UBXN4: variants seen among roughly 807,000 people sequenced by gnomAD.
The protein encoded by UBXN4 is UBX domain protein 4.
UBXN4 carries 35 observed loss-of-function variants against 66.2 expected under a neutral mutation model. That is an observed-to-expected ratio of 0.53 (90% CI 0.40 to 0.70). UBXN4 has a LOEUF of 0.70. UBXN4 is among the 30% of genes least tolerant of loss of function. The pLI is 0.00. For synonymous variants in UBXN4, 203 were observed against 204.5 expected (o/e 0.99, Z 0.06); for missense variants, 533 against 599.8 (o/e 0.89, Z 1.16).
intron 5 of UBXN4, among the ~76,000 whole-genome samples, chr2:135,758,223 C>T (rs368182192): frequency 1.3e-5 from 2 of 151,778 alleles, no homozygotes; most frequent in African/African-American, 2.4e-5. Flanking sequence ...TACAGGCATG[C>T]GCCACCATGC....
chr2:135,780,963 G>C (rs1183223802), intron 12 of UBXN4, among the ~76,000 whole-genome samples: 1 of 152,216 alleles, frequency 6.6e-6, no homozygotes, highest in East Asian at 1.9e-4. Context: ...AGTGGCTCAC[G>C]CCTGTAATCC....
intron 10 of UBXN4, among the ~76,000 whole-genome samples, chr2:135,777,247 G>A (rs79190302): frequency 4.8e-4 from 73 of 152,194 alleles, no homozygotes; most frequent in Non-Finnish European, 7.9e-4. Flanking sequence ...CGGATTCTGA[G>A]CATCAGATGT....
Position 135,782,764 on chromosome 2 carries a change from AAG to A in UBXN4, c.1407_1408del (p.Arg469SerfsTer10). The A allele has an allele frequency of 6.2e-7, 1 of 1,613,784 alleles. No individual in the cohort carries two copies. The highest frequency in any genetic ancestry group is 8.5e-7 in the Non-Finnish European group (1 of 1,179,862). On this transcript the variant is annotated frameshift_variant, in exon 13 of 13. Transcript: ENST00000272638. LOFTEE classifies it high-confidence loss of function. The part of the protein sequence containing the change: ...KSEKREPVRK[R>X]VLEKRGDDFK... ...TTCGTATCAGGGAACCAGTGAGAAA[AAG>A]AGTGCTGGAAAAACGTGGAGACGAC...
chr2:135,778,773 T>C (rs568465560), intron 10 of UBXN4, among the ~76,000 whole-genome samples, 175 bp from the exon 11 acceptor site: 1 of 152,364 alleles, frequency 6.6e-6, no homozygotes, highest in Admixed American at 6.5e-5. Flanking sequence ...TATTTGGATT[T>C]GATAGCTTTT....
At chr2:135,779,155 G>A in intron 11 of UBXN4, 76 bp downstream of exon 11, 1 of 1,425,086 alleles carries the variant, frequency 7.0e-7, no homozygotes, top group African/African-American at 1.4e-5. Flanking sequence ...TTATAATTAG[G>A]GGAAAGGAAG....
In UBXN4 at chr2:135,784,325, T is replaced by G. The variant is rs2077470611; in HGVS notation, c.*1438T>G. 6.6e-6 allele frequency: 1 copy of G among 152,160 alleles called. No individual in the cohort carries two copies. The highest frequency in any genetic ancestry group is 2.1e-4 in the South Asian group (1 of 4,832). The allele number at this position is 152,160 out of a possible 1,614,324, so 9.4% of individuals were successfully genotyped here. A position where few individuals can be genotyped will look rare whatever the true frequency, so the allele number is the denominator to read the frequency against. Reference sequence around the variant, plus strand: ...TGAGGAGAAATGGTACAATACTAATTAACAACTTGGTTTAACATGTTTACT... The same window carrying G: ...TGAGGAGAAATGGTACAATACTAATGAACAACTTGGTTTAACATGTTTACT... On this transcript the variant is annotated 3_prime_UTR_variant, in exon 13 of 13. Transcript: ENST00000272638.
At chr2:135,756,588 C>T (rs1050921014) in intron 5 of UBXN4, among the ~76,000 whole-genome samples, 20 of 152,064 alleles carry the variant, frequency 1.3e-4, no homozygotes, top group Admixed American at 5.2e-4. Flanking sequence ...TGGATGTGTA[C>T]GGAACGGGGG....
At chr2:135,779,686 A>T (rs2077437701) in intron 11 of UBXN4, among the ~76,000 whole-genome samples, 1 of 151,844 alleles carries the variant, frequency 6.6e-6, no homozygotes, top group South Asian at 2.1e-4. Flanking sequence ...GACTCTTCTT[A>T]TAAAAGTTTA....
intron 5 of UBXN4, among the ~76,000 whole-genome samples, chr2:135,756,927 C>T (rs1330518444): frequency 6.6e-6 from 1 of 152,204 alleles, no homozygotes; most frequent in Non-Finnish European, 1.5e-5. Context: ...TCCACAAATT[C>T]TGATTGTTCC....
At chr2:135,782,509 T>TG (rs1326590667) in intron 12 of UBXN4, among the ~76,000 whole-genome samples, 1 of 152,104 alleles carries the variant, frequency 6.6e-6, no homozygotes, top group African/African-American at 2.4e-5. Flanking sequence ...ACAATGGAAA[T>TG]GGAATATATG....
intron 1 of UBXN4, among the ~76,000 whole-genome samples, chr2:135,746,321 T>G (rs1575312741): frequency 6.6e-6 from 1 of 152,344 alleles, no homozygotes; most frequent in East Asian, 1.9e-4. Flanking sequence ...GAGTACTTAT[T>G]GGGTGCCTAC....
In UBXN4 at chr2:135,761,807, T is replaced by A. The variant is rs1450543807; in HGVS notation, c.509-11T>A. On this transcript the variant is annotated splice_polypyrimidine_tract_variant and intron_variant, in intron 5 of 12. Transcript: ENST00000272638. Reference sequence around the variant, plus strand: ...TGCAGTATTCTTATTTCTTTTTATTTAATAATTAAGGAGGAGAAAGTGCAG... The same window carrying A: ...TGCAGTATTCTTATTTCTTTTTATTAAATAATTAAGGAGGAGAAAGTGCAG... The A allele has an allele frequency of 6.3e-7, 1 of 1,586,136 alleles. No homozygotes were observed. Among genetic ancestry groups the A allele is most frequent in the African/African-American group, 1.4e-5 (1 of 73,342 alleles).
chr2:135,757,173 C>A (rs1190722733), intron 5 of UBXN4, among the ~76,000 whole-genome samples: 1 of 152,076 alleles, frequency 6.6e-6, no homozygotes, highest in East Asian at 1.9e-4. Context: ...TGGTATTGTC[C>A]CACAGGTTTA....
At position 135,757,390 on chromosome 2, in the gene UBXN4, T is replaced by G. The variant is rs1180517224; in HGVS notation, c.508+1699T>G. On this transcript the variant is annotated intron_variant, in intron 5 of 12. Transcript: ENST00000272638. ...TTTTATTTTGAAATAGTTTGACTCATAAGTTACAGAAGTTGTGCAGAATGA... is the reference window on the plus strand; with the variant it reads ...TTTTATTTTGAAATAGTTTGACTCAGAAGTTACAGAAGTTGTGCAGAATGA... Among the ~76,000 whole-genome samples the G allele has an allele frequency of 2.0e-5, 3 of 152,242 alleles. No individual in the cohort carries two copies. In the South Asian group the frequency reaches 6.2e-4, roughly 31 times the overall value.
Position 135,741,975 on chromosome 2 carries a change from A to G in UBXN4, c.46A>G (p.Lys16Glu). 6.2e-7 allele frequency: 1 copy of G among 1,613,348 alleles called. No individual in the cohort carries two copies. The highest frequency in any genetic ancestry group is 8.5e-7 in the Non-Finnish European group (1 of 1,179,650). The change falls in exon 1 of 13, where the codon AAA becomes GAA. Residue 16 changes from lysine (K) to glutamate (E), a missense_variant. Physicochemically the swap from Lys to Glu is moderately conservative, Grantham distance 56. This residue lies in a region of UBXN4 where 529 missense variants were observed against 580.1 expected (regional missense o/e 0.91). Transcript: ENST00000272638. ...GAIPAAIATA[K>E]RSGAVFVVFV... ...CATTCCGGCCGCCATCGCGACGGCCAAAAGGAGCGGCGCGGTCTTCGTGGT... is the reference window on the plus strand; with the variant it reads ...CATTCCGGCCGCCATCGCGACGGCCGAAAGGAGCGGCGCGGTCTTCGTGGT...
intron 6 of UBXN4, among the ~76,000 whole-genome samples, chr2:135,763,024 T>C (rs537756387): frequency 1.3e-5 from 2 of 152,346 alleles, no homozygotes; most frequent in South Asian, 2.1e-4. Flanking sequence ...TCCATTCTTA[T>C]GTAGGGGAAT....
intron 6 of UBXN4, among the ~76,000 whole-genome samples, chr2:135,767,762 T>A (rs981505700): frequency 2.6e-5 from 4 of 152,228 alleles, no homozygotes; most frequent in African/African-American, 9.6e-5. Flanking sequence ...CACATTTCTT[T>A]TGGGCATATA....
chr2:135,778,260 G>A (rs2077430266), intron 10 of UBXN4, among the ~76,000 whole-genome samples: 2 of 148,338 alleles, frequency 1.3e-5, no homozygotes, highest in South Asian at 4.3e-4. Context: ...TGTATCTTTA[G>A]AACAGTGAGG....
chr2:135,742,650 G>T (rs996775842), intron 1 of UBXN4: 1 of 152,324 alleles, frequency 6.6e-6, no homozygotes, highest in Non-Finnish European at 1.5e-5. Context: ...GGACTGTCGG[G>T]AAGAAAGCTG....
Sources: allele counts gnomAD v4.1 joint callset (sites outside exome capture counted in the v4.1 genomes callset), GRCh38; gene constraint gnomAD v4.1.1; regional missense constraint gnomAD v4.1.1; transcripts MANE v1.5; gene names NCBI Gene and HGNC (gene_info 2026-07-23, HGNC 2026-07-21).